The following EPB41L4A variants were observed in gnomAD, a reference collection of about 807,000 sequenced individuals.
EPB41L4A encodes band 4.1-like protein 4A.
In EPB41L4A, 100 loss-of-function variants were observed where a neutral mutation model predicts 108.6. The observed-to-expected ratio is 0.92, with a 90% confidence interval of 0.78 to 1.09. The LOEUF is 1.09. Among genes scored for constraint, EPB41L4A ranks in the 50% least tolerant of loss-of-function variants. The pLI is 0.00. For synonymous variants in EPB41L4A, 319 were observed against 289.0 expected, an observed-to-expected ratio of 1.10 and a Z score of -1.05; for missense variants, 1,030 against 842.7, an observed-to-expected ratio of 1.22 and a Z score of -2.75.
At chr5:112,238,214 A>C (rs1388274788) in intron 11 of EPB41L4A, among the ~76,000 whole-genome samples, 3 of 152,218 alleles carry the variant, frequency 2.0e-5, no homozygotes, top group Non-Finnish European at 4.4e-5. Context: ...CAACTGGAAG[A>C]ACAGTCCAAG....
intron 1 of EPB41L4A, 73 bp from the exon 2 acceptor site, chr5:112,307,563 A>T (rs931275848): frequency 4.3e-6 from 4 of 931,682 alleles, no homozygotes; most frequent in Non-Finnish European, 6.7e-6. Context: ...CATGGTTCTC[A>T]TCTTTTATTA....
At chr5:112,293,476 C>G (rs1269280289) in intron 2 of EPB41L4A, among the ~76,000 whole-genome samples, 5 of 152,134 alleles carry the variant, frequency 3.3e-5, no homozygotes, top group Non-Finnish European at 7.3e-5. Flanking sequence ...AACCTAGAAA[C>G]CGCAGGATAA....
At chr5:112,401,372 C>A (rs1457076234) in intron 1 of EPB41L4A, among the ~76,000 whole-genome samples, 1 of 152,216 alleles carries the variant, frequency 6.6e-6, no homozygotes, top group Non-Finnish European at 1.5e-5. Context: ...CTGAGGAATT[C>A]TTTCTTCATC....
intron 1 of EPB41L4A, among the ~76,000 whole-genome samples, chr5:112,346,074 C>T (rs775944617): frequency 4.6e-5 from 7 of 151,976 alleles, no homozygotes; most frequent in Non-Finnish European, 1.0e-4. Context: ...GTTAGCCACA[C>T]ACTCCACAAT....
chr5:112,336,230 A>G (rs563227395), intron 1 of EPB41L4A, among the ~76,000 whole-genome samples: 1 of 152,330 alleles, frequency 6.6e-6, no homozygotes, highest in East Asian at 1.9e-4. Flanking sequence ...AGTTAATTTT[A>G]AGACCAAAGA....
intron 1 of EPB41L4A, among the ~76,000 whole-genome samples, chr5:112,326,846 G>C (rs1301779647): frequency 1.3e-5 from 2 of 152,116 alleles, no homozygotes; most frequent in South Asian, 4.2e-4. Flanking sequence ...AATCTTCATA[G>C]GCAGCAGAGC....
chr5:112,280,401 G>T, intron 2 of EPB41L4A, 78 bp from the exon 3 acceptor site: 1 of 1,323,062 alleles, frequency 7.6e-7, no homozygotes, highest in Non-Finnish European at 1.1e-6. Context: ...TTTGCAAAAT[G>T]TTATTTAAAC....
chr5:112,240,733 A>G lies in EPB41L4A; in HGVS notation c.873T>C (p.His291=). Residue 291 remains histidine, a synonymous_variant, in exon 10 of 23, where the codon CAT becomes CAC. Transcript: ENST00000261486. ...CATCAATTTACCTAAAAAATGTATGATGTTCCACACTGCACTTCCAGAGGT... is the reference window on the plus strand; with the variant it reads ...CATCAATTTACCTAAAAAATGTATGGTGTTCCACACTGCACTTCCAGAGGT... ...CKHLWKCSVE[H]HTFFRMPENE... is the part of the protein sequence containing the mutation. The G allele has an allele frequency of 6.4e-7, 1 of 1,555,968 alleles. No homozygotes were observed. The highest frequency in any genetic ancestry group is 2.3e-5 in the Admixed American group (1 of 43,886).
intron 1 of EPB41L4A, among the ~76,000 whole-genome samples, chr5:112,372,579 A>G (rs1243589150): frequency 3.9e-5 from 6 of 152,348 alleles, no homozygotes; most frequent in Non-Finnish European, 7.3e-5. Context: ...TATAGGATAC[A>G]TTTCAGAAAT....
chr5:112,209,853 A>C (rs1334992740), intron 13 of EPB41L4A, 39 bp downstream of exon 13: 1 of 1,264,894 alleles, frequency 7.9e-7, no homozygotes, highest in Non-Finnish European at 1.1e-6. Context: ...TTTTTACAAC[A>C]GCATATAATT....
At chr5:112,220,335 A>G (rs561707263) in intron 12 of EPB41L4A, among the ~76,000 whole-genome samples, 2 of 152,330 alleles carry the variant, frequency 1.3e-5, no homozygotes, top group South Asian at 4.1e-4. Flanking sequence ...AAAAATGAGA[A>G]AATGACTTAG....
chr5:112,156,379 A>C (rs934238333), intron 12 of EPB41L4A, among the ~76,000 whole-genome samples: 4 of 152,196 alleles, frequency 2.6e-5, no homozygotes, highest in African/African-American at 9.7e-5. Context: ...CCAGTGGTAT[A>C]GCCAGAGAGC....
At chr5:112,168,919 C>G (rs1760409419) in intron 21 of EPB41L4A, 76 bp downstream of exon 21, 1 of 1,490,240 alleles carries the variant, frequency 6.7e-7, no homozygotes, top group Admixed American at 1.7e-5. Flanking sequence ...ACATTTCCAT[C>G]AGCAAGTAAA....
chr5:112,321,076 T>C (rs962153086), intron 1 of EPB41L4A, among the ~76,000 whole-genome samples: 10 of 152,014 alleles, frequency 6.6e-5, no homozygotes, highest in African/African-American at 2.4e-4. Context: ...CAGATGACAG[T>C]ATGTAGGAAA....
At chr5:112,327,296 GCTC>G (rs1159153594) in intron 1 of EPB41L4A, among the ~76,000 whole-genome samples, 25 of 152,152 alleles carry the variant, frequency 1.6e-4, no homozygotes, top group Non-Finnish European at 1.5e-5. Flanking sequence ...TAAAGAAGAA[GCTC>G]CTCGTGTTTA....
intron 14 of EPB41L4A, among the ~76,000 whole-genome samples, 185 bp downstream of exon 14, chr5:112,205,236 A>G (rs1190862475): frequency 6.6e-6 from 1 of 151,114 alleles, no homozygotes; most frequent in Non-Finnish European, 1.5e-5. Flanking sequence ...TATAAAACAT[A>G]CTGTTGATTT....
chr5:112,202,756 G>A (rs544039282), intron 15 of EPB41L4A, among the ~76,000 whole-genome samples: 1 of 152,134 alleles, frequency 6.6e-6, no homozygotes, highest in Non-Finnish European at 1.5e-5. Flanking sequence ...TGGGAAACTA[G>A]CAGAAGCAAA....
intron 1 of EPB41L4A, among the ~76,000 whole-genome samples, chr5:112,415,277 AATGG>A (rs1444866605): frequency 6.6e-6 from 1 of 152,166 alleles, no homozygotes; most frequent in African/African-American, 2.4e-5. Flanking sequence ...TTTAGTAGTT[AATGG>A]ATGAACTATA....
chr5:112,410,094 C>T (rs1762322382), intron 1 of EPB41L4A, among the ~76,000 whole-genome samples: 2 of 152,184 alleles, frequency 1.3e-5, no homozygotes, highest in African/African-American at 4.8e-5. Context: ...CTAGGCAGAA[C>T]TCTCCTTCAT....
Sources: allele counts gnomAD v4.1 joint callset (sites outside exome capture counted in the v4.1 genomes callset), GRCh38; gene constraint gnomAD v4.1.1; transcripts MANE v1.5; gene names NCBI Gene and HGNC (gene_info 2026-07-23, HGNC 2026-07-21).